Variants in CACNB2 observed in about 807,000 individuals in gnomAD.
The protein encoded by CACNB2 is voltage-dependent L-type calcium channel subunit beta-2.
Under a neutral mutation model 73.3 loss-of-function variants are expected in CACNB2, and 42 were observed. That is an observed-to-expected ratio of 0.57 (90% CI 0.45 to 0.74). The LOEUF (loss-of-function observed/expected upper bound fraction) is 0.74, where lower values mean the gene tolerates loss of function less well. CACNB2 is among the 30% of genes least tolerant of loss of function. The pLI, the probability that CACNB2 is intolerant of heterozygous loss-of-function variation, is 0.00. For synonymous variants in CACNB2, 348 were observed against 310.3 expected (o/e 1.12, Z -1.28); for missense variants, 940 against 853.0 (o/e 1.10, Z -1.27).
intron 2 of CACNB2, among the ~76,000 whole-genome samples, chr10:18,240,070 G>C (rs557838539): frequency 6.6e-6 from 1 of 152,220 alleles, no homozygotes; most frequent in South Asian, 2.1e-4. Flanking sequence ...CTTCAGTATG[G>C]CAACTTATGT....
chr10:18,210,089 G>A (rs1225394921), intron 2 of CACNB2, among the ~76,000 whole-genome samples: 2 of 152,164 alleles, frequency 1.3e-5, no homozygotes, highest in African/African-American at 2.4e-5. Flanking sequence ...TCATATCCCC[G>A]TTTGAAAGTG....
chr10:18,480,193 C>G (rs544083424), intron 3 of CACNB2, among the ~76,000 whole-genome samples: 1 of 152,100 alleles, frequency 6.6e-6, no homozygotes, highest in South Asian at 2.1e-4. Flanking sequence ...GAAGGGGTTC[C>G]CATTCACTTG....
chr10:18,221,227 T>C (rs1338350087), intron 2 of CACNB2, among the ~76,000 whole-genome samples: 1 of 152,238 alleles, frequency 6.6e-6, no homozygotes. Flanking sequence ...AGCGTGACTA[T>C]ATAAATTCGT....
chr10:18,384,142 G>A (rs895765091), intron 2 of CACNB2, among the ~76,000 whole-genome samples: 7 of 152,180 alleles, frequency 4.6e-5, no homozygotes, highest in Non-Finnish European at 7.3e-5. Flanking sequence ...GGAACCTGTA[G>A]TCACTGGTAG....
intron 2 of CACNB2, among the ~76,000 whole-genome samples, chr10:18,355,286 G>A (rs1486349037): frequency 2.0e-5 from 3 of 152,194 alleles, no homozygotes; most frequent in Non-Finnish European, 4.4e-5. Flanking sequence ...AGTTCTGGAT[G>A]AGAAGCTTAT....
chr10:18,377,962 T>G (rs1418775280), intron 2 of CACNB2, among the ~76,000 whole-genome samples: 1 of 152,230 alleles, frequency 6.6e-6, no homozygotes, highest in Non-Finnish European at 1.5e-5. Context: ...ACAGGGCCCT[T>G]GAACTCTTTC....
At chr10:18,470,564 C>T (rs1256147443) in intron 3 of CACNB2, among the ~76,000 whole-genome samples, 1 of 151,308 alleles carries the variant, frequency 6.6e-6, no homozygotes, top group Non-Finnish European at 1.5e-5. Flanking sequence ...ATTATATATA[C>T]ACTATATCTC....
intron 3 of CACNB2, among the ~76,000 whole-genome samples, chr10:18,453,148 C>A (rs1193217450): frequency 6.6e-6 from 1 of 152,150 alleles, no homozygotes; most frequent in Non-Finnish European, 1.5e-5. Flanking sequence ...TTAGAACAGC[C>A]TTTTGACCTG....
intron 2 of CACNB2, among the ~76,000 whole-genome samples, chr10:18,209,997 TG>T (rs886775955): frequency 2.0e-4 from 31 of 152,306 alleles, no homozygotes; most frequent in African/African-American, 7.0e-4. Context: ...TGAATACTAC[TG>T]GGCCCTTAAG....
chr10:18,261,537 G>A (rs142876357), intron 2 of CACNB2, among the ~76,000 whole-genome samples: 1 of 152,268 alleles, frequency 6.6e-6, no homozygotes, highest in African/African-American at 2.4e-5. Flanking sequence ...TGTGCCTTGT[G>A]ACTTTGATAA....
chr10:18,228,436 A>AAAAAAAAAAAAG (rs2036089997), intron 2 of CACNB2, among the ~76,000 whole-genome samples: 1 of 146,640 alleles, frequency 6.8e-6, no homozygotes, highest in Admixed American at 6.8e-5. Flanking sequence ...TCTACCTCAA[A>AAAAAAAAAAAAG]AAAAAAAAAA....
intron 3 of CACNB2, among the ~76,000 whole-genome samples, chr10:18,466,278 C>T (rs1037454523): frequency 2.6e-5 from 4 of 152,138 alleles, no homozygotes; most frequent in African/African-American, 9.7e-5. Flanking sequence ...CTCTGTCACC[C>T]AGCCTAGAGT....
At chr10:18,253,046 A>T (rs2037149525) in intron 2 of CACNB2, among the ~76,000 whole-genome samples, 1 of 152,220 alleles carries the variant, frequency 6.6e-6, no homozygotes, top group Admixed American at 6.5e-5. Context: ...TAGAAGTTCT[A>T]ACTCTGCCAT....
chr10:18,441,298 A>C (rs1207025042), intron 3 of CACNB2, among the ~76,000 whole-genome samples: 1 of 152,106 alleles, frequency 6.6e-6, no homozygotes, highest in Non-Finnish European at 1.5e-5. Context: ...CCAGCTACTC[A>C]GGAGGCTGAG....
chr10:18,244,476 A>AT (rs2036785473), intron 2 of CACNB2, among the ~76,000 whole-genome samples: 5 of 152,260 alleles, frequency 3.3e-5, no homozygotes, highest in Admixed American at 3.3e-4. Flanking sequence ...TGATGCACAT[A>AT]TTCAGGTGAA....
intron 2 of CACNB2, among the ~76,000 whole-genome samples, chr10:18,293,269 A>C (rs1489180514): frequency 2.6e-5 from 4 of 152,188 alleles, no homozygotes; most frequent in African/African-American, 9.6e-5. Context: ...TTGATTCTTC[A>C]CTTCCTCTTA....
intron 2 of CACNB2, among the ~76,000 whole-genome samples, chr10:18,192,807 C>T (rs1460537650): frequency 6.6e-6 from 1 of 152,162 alleles, no homozygotes; most frequent in Non-Finnish European, 1.5e-5. Flanking sequence ...ACATTGCAGC[C>T]ATACTTCATT....
chr10:18,378,965 A>T (rs2042909790), intron 2 of CACNB2, among the ~76,000 whole-genome samples: 1 of 152,196 alleles, frequency 6.6e-6, no homozygotes, highest in Non-Finnish European at 1.5e-5. Context: ...CCAACAGCAC[A>T]GACCAGTGTT....
rs376664705 is a variant in CACNB2, at chr10:18,149,995, G to T, written c.121-888G>T. ...TGAAAAAGTTAAGAAATTTGGTGAA[G>T]ATTTGCTATGTCCAGGATTCTAACC... is the stretch of plus-strand genomic sequence containing the variant. On this transcript the variant is annotated intron_variant, in intron 1 of 13. Transcript: ENST00000324631. Among the ~76,000 whole-genome samples, 11 of 152,316 alleles carry T rather than the reference G, an allele frequency of 7.2e-5. No homozygotes were observed. The East Asian group carries it at 1.9e-3, about 27-fold the overall frequency.
Sources: allele counts gnomAD v4.1 joint callset (sites outside exome capture counted in the v4.1 genomes callset), GRCh38; gene constraint gnomAD v4.1.1; transcripts MANE v1.5; gene names NCBI Gene and HGNC (gene_info 2026-07-23, HGNC 2026-07-21).